Variants in CREB5 observed in about 807,000 individuals in gnomAD.
CREB5 encodes cAMP responsive element binding protein 5.
Under a neutral mutation model 57.1 loss-of-function variants are expected in CREB5, and 19 were observed. The ratio of observed to expected loss-of-function variants is 0.33; its 90% CI spans 0.23 to 0.49. The LOEUF (loss-of-function observed/expected upper bound fraction) is 0.49. Among genes scored for constraint, CREB5 ranks in the 20% least tolerant of loss-of-function variants. The pLI is 0.99. For missense variants in CREB5, 579 were observed against 671.6 expected (o/e 0.86, Z 1.52); for synonymous variants, 238 against 238.3 (o/e 1.00, Z 0.01).
chr7:28,459,562 CACT>C (rs1447691229), intron 1 of CREB5, among the ~76,000 whole-genome samples: 2 of 152,194 alleles, frequency 1.3e-5, no homozygotes, highest in African/African-American at 4.8e-5. Flanking sequence ...CCCTCTTCTG[CACT>C]CCAGCCTCTC....
chr7:28,817,517 C>A (rs79203960), intron 9 of CREB5, among the ~76,000 whole-genome samples: 1 of 152,334 alleles, frequency 6.6e-6, no homozygotes, highest in Non-Finnish European at 1.5e-5. Flanking sequence ...GTGGAAGCCA[C>A]AAATCCTACC....
At chr7:28,551,766 C>G (rs1794652004) in intron 4 of CREB5, among the ~76,000 whole-genome samples, 1 of 152,152 alleles carries the variant, frequency 6.6e-6, no homozygotes, top group East Asian at 1.9e-4. Context: ...CCACACACTC[C>G]TAAAACCTGC....
chr7:28,818,890 A>C (rs1437424982), intron 10 of CREB5: 1 of 594,106 alleles, frequency 1.7e-6, no homozygotes, highest in Non-Finnish European at 3.0e-6. Flanking sequence ...CATTTTACTG[A>C]TACAGAAAGC....
intron 7 of CREB5, among the ~76,000 whole-genome samples, chr7:28,741,957 T>C (rs1205990403): frequency 6.6e-6 from 1 of 151,356 alleles, no homozygotes; most frequent in African/African-American, 2.4e-5. Context: ...TCCCAGCTAC[T>C]TGGGAGGCGG....
chr7:28,453,637 A>T (rs1789943110), intron 1 of CREB5, among the ~76,000 whole-genome samples: 1 of 152,194 alleles, frequency 6.6e-6, no homozygotes, highest in Admixed American at 6.5e-5. Flanking sequence ...ATCCTTGCCC[A>T]CTAAAGGCCC....
chr7:28,370,696 C>T (rs1019426741), intron 1 of CREB5, among the ~76,000 whole-genome samples: 2 of 152,150 alleles, frequency 1.3e-5, no homozygotes, highest in Admixed American at 6.5e-5. Flanking sequence ...TGAACACATA[C>T]GCACTGTAGC....
chr7:28,474,640 G>GT (rs1790983991), intron 1 of CREB5, among the ~76,000 whole-genome samples: 1 of 152,130 alleles, frequency 6.6e-6, no homozygotes. Flanking sequence ...TGCGTTTAAG[G>GT]TCCTTGAGGC....
intron 1 of CREB5, among the ~76,000 whole-genome samples, chr7:28,354,426 C>T (rs1488723211): frequency 2.0e-5 from 3 of 152,118 alleles, no homozygotes; most frequent in South Asian, 2.1e-4. Flanking sequence ...TTCCTGCTCT[C>T]GAATATCAGA....
intron 1 of CREB5, among the ~76,000 whole-genome samples, chr7:28,435,241 G>T (rs558760188): frequency 6.6e-6 from 1 of 152,188 alleles, no homozygotes; most frequent in Non-Finnish European, 1.5e-5. Context: ...AAGCTCAAAT[G>T]AAGGGAACTC....
intron 4 of CREB5, among the ~76,000 whole-genome samples, chr7:28,509,931 G>A (rs1234351034): frequency 6.6e-6 from 1 of 152,128 alleles, no homozygotes; most frequent in African/African-American, 2.4e-5. Context: ...GGCTGTTGAG[G>A]CTTCTTCTTC....
chr7:28,420,094 G>T (rs1055874400), intron 1 of CREB5, among the ~76,000 whole-genome samples: 2 of 60,322 alleles, frequency 3.3e-5, no homozygotes, highest in African/African-American at 1.4e-4. Context: ...CATGGGCAAA[G>T]TACAATTTTT....
intron 1 of CREB5, among the ~76,000 whole-genome samples, chr7:28,426,982 G>A (rs1788534109): frequency 6.6e-6 from 1 of 152,152 alleles, no homozygotes; most frequent in Non-Finnish European, 1.5e-5. Flanking sequence ...CCAGCCTGGT[G>A]AGTGTTCCTG....
chr7:28,796,374 T>G (rs1562646946), intron 7 of CREB5, among the ~76,000 whole-genome samples: 1 of 152,216 alleles, frequency 6.6e-6, no homozygotes, highest in Non-Finnish European at 1.5e-5. Context: ...TTCATTCCTT[T>G]GTACGGACAA....
chr7:28,779,472 A>C (rs747324440), intron 7 of CREB5, among the ~76,000 whole-genome samples: 23 of 152,212 alleles, frequency 1.5e-4, no homozygotes, highest in Non-Finnish European at 2.8e-4. Context: ...TTTCTAAATC[A>C]TGCTGCCTCC....
chr7:28,448,289 C>G (rs1323042824), intron 1 of CREB5, among the ~76,000 whole-genome samples: 1 of 152,188 alleles, frequency 6.6e-6, no homozygotes, highest in African/African-American at 2.4e-5. Context: ...TTGTGATCAT[C>G]TAAGTTAATA....
intron 7 of CREB5, 47 bp from the exon 8 acceptor site, chr7:28,804,152 A>ATGACTGACTTCAGTTGTTC (rs1808546110): frequency 1.3e-6 from 2 of 1,567,278 alleles, no homozygotes; most frequent in African/African-American, 1.4e-5. Flanking sequence ...TATCATGTAC[A>ATGACTGACTTCAGTTGTTC]TGACTGACTT....
At chr7:28,305,907 A>G (rs566625328) in intron 1 of CREB5, among the ~76,000 whole-genome samples, 1 of 151,936 alleles carries the variant, frequency 6.6e-6, no homozygotes, top group African/African-American at 2.4e-5. Context: ...ATTTGTCTAT[A>G]CACCAAAAAT....
At chr7:28,547,616 C>T (rs1445063382) in intron 4 of CREB5, among the ~76,000 whole-genome samples, 1 of 152,200 alleles carries the variant, frequency 6.6e-6, no homozygotes, top group Non-Finnish European at 1.5e-5. Flanking sequence ...ATAATTCCTT[C>T]ACAGCAATGT....
chr7:28,314,694 A>G (rs1370725845), intron 1 of CREB5, among the ~76,000 whole-genome samples: 1 of 152,166 alleles, frequency 6.6e-6, no homozygotes, highest in Admixed American at 6.5e-5. Context: ...GGGAAAGAAA[A>G]CCAGAAGGGC....
Sources: allele counts gnomAD v4.1 joint callset (sites outside exome capture counted in the v4.1 genomes callset), GRCh38; gene constraint gnomAD v4.1.1; transcripts MANE v1.5; gene names NCBI Gene and HGNC (gene_info 2026-07-23, HGNC 2026-07-21).